Variants in PPM1B observed in about 807,000 individuals in gnomAD.
PPM1B encodes protein phosphatase 1B.
Under a neutral mutation model 43.0 loss-of-function variants are expected in PPM1B, and 22 were observed. That is an observed-to-expected ratio of 0.51 (90% CI 0.37 to 0.73). PPM1B has a LOEUF of 0.73. Among genes scored for constraint, PPM1B ranks in the 30% least tolerant of loss-of-function variants. The pLI, the probability that PPM1B is intolerant of heterozygous loss-of-function variation, is 0.00. For synonymous variants in PPM1B, 217 were observed against 197.9 expected (o/e 1.10, Z -0.81); for missense variants, 632 against 584.2 (o/e 1.08, Z -0.84).
downstream of PPM1B, chr2:44,234,673 T>C (rs1670564123): frequency 1.0e-6 from 1 of 972,694 alleles, no homozygotes; most frequent in Non-Finnish European, 1.2e-6. Context: ...TTCTCAAGTA[T>C]TTTGGTCTGA....
intron 3 of PPM1B, 72 bp downstream of exon 3, chr2:44,209,399 T>G (rs1669349062): frequency 1.3e-6 from 2 of 1,516,368 alleles, no homozygotes; most frequent in Non-Finnish European, 1.8e-6. Flanking sequence ...CTAGCACTTT[T>G]GTCGCCTGGG....
At chr2:44,218,945 A>G (rs1415780556) in intron 5 of PPM1B, 3 of 444,358 alleles carry the variant, frequency 6.8e-6, no homozygotes, top group African/African-American at 2.0e-5. Flanking sequence ...TAATAACTAG[A>G]CCTTTCAGTA....
intron 3 of PPM1B, among the ~76,000 whole-genome samples, chr2:44,215,268 G>C (rs1669668368): frequency 6.6e-6 from 1 of 152,148 alleles, no homozygotes; most frequent in Admixed American, 6.6e-5. Context: ...AGGAGTTCAA[G>C]ACCAGCCTCG....
chr2:44,178,896 C>A (rs1199634290), intron 1 of PPM1B, among the ~76,000 whole-genome samples: 1 of 152,106 alleles, frequency 6.6e-6, no homozygotes, highest in Non-Finnish European at 1.5e-5. Flanking sequence ...TTTATTTAAT[C>A]CAGTATTTCC....
chr2:44,197,391 T>C (rs1324826409), intron 1 of PPM1B, among the ~76,000 whole-genome samples: 1 of 152,200 alleles, frequency 6.6e-6, no homozygotes, highest in African/African-American at 2.4e-5. Flanking sequence ...AGTGTTGAGA[T>C]TACAGGCATG....
chr2:44,186,665 G>A (rs1668139257), intron 1 of PPM1B, among the ~76,000 whole-genome samples: 1 of 152,236 alleles, frequency 6.6e-6, no homozygotes, highest in African/African-American at 2.4e-5. Flanking sequence ...GTGAGCCATT[G>A]TGCCTGGCCT....
chr2:44,190,514 G>A (rs555401751), intron 1 of PPM1B, among the ~76,000 whole-genome samples: 5 of 151,958 alleles, frequency 3.3e-5, no homozygotes, highest in Non-Finnish European at 7.4e-5. Context: ...TTTTTTTCCT[G>A]TATCACTTTT....
chr2:44,185,585 T>G (rs917069373), intron 1 of PPM1B, among the ~76,000 whole-genome samples: 4 of 152,158 alleles, frequency 2.6e-5, no homozygotes, highest in African/African-American at 9.7e-5. Flanking sequence ...AGCTTTTGAT[T>G]TAGGACAAGA....
intron 5 of PPM1B, among the ~76,000 whole-genome samples, chr2:44,242,913 T>C (rs760740939): frequency 2.0e-5 from 3 of 152,222 alleles, no homozygotes; most frequent in African/African-American, 4.8e-5. Flanking sequence ...CATTTGCCTT[T>C]CAATACTGTA....
chr2:44,234,234 C>T, downstream of PPM1B: 2 of 981,774 alleles, frequency 2.0e-6, no homozygotes, highest in Non-Finnish European at 2.4e-6. Context: ...AAAAAACCTG[C>T]CTTTGGCCGG....
intron 1 of PPM1B, among the ~76,000 whole-genome samples, chr2:44,196,337 C>T (rs1469739850): frequency 2.0e-5 from 3 of 152,046 alleles, no homozygotes; most frequent in African/African-American, 7.2e-5. Context: ...ATTGGAGTTT[C>T]TCTAATGCTT....
At chr2:44,225,569 C>T (rs998385025) in intron 5 of PPM1B, among the ~76,000 whole-genome samples, 2 of 152,188 alleles carry the variant, frequency 1.3e-5, no homozygotes, top group Non-Finnish European at 2.9e-5. Context: ...AGCTAAAGTT[C>T]TTCTCAATTT....
At chr2:44,238,347 GT>G (rs760658317), downstream of PPM1B, among the ~76,000 whole-genome samples, 16 of 152,144 alleles carry the variant, frequency 1.1e-4, no homozygotes, top group Non-Finnish European at 2.1e-4. Context: ...TATTAAAATT[GT>G]AATTAAGACT....
chr2:44,177,787 AT>A (rs200012517), intron 1 of PPM1B, among the ~76,000 whole-genome samples: 429 of 142,610 alleles, frequency 3.0e-3, no homozygotes, highest in Middle Eastern at 4.0e-3. Context: ...CATATACAGA[AT>A]TTTTTTTTTT....
At chr2:44,172,327 G>A (rs1298578906) in intron 1 of PPM1B, among the ~76,000 whole-genome samples, 2 of 152,208 alleles carry the variant, frequency 1.3e-5, no homozygotes, top group Admixed American at 6.5e-5. Flanking sequence ...TGATGGTTAA[G>A]TGTACTGACA....
chr2:44,196,942 A>G (rs1668688497), intron 1 of PPM1B, among the ~76,000 whole-genome samples: 1 of 152,208 alleles, frequency 6.6e-6, no homozygotes, highest in African/African-American at 2.4e-5. Context: ...GATTTTCCAT[A>G]GCCAGTCTAC....
At chr2:44,196,570 TA>T (rs1464619780) in intron 1 of PPM1B, among the ~76,000 whole-genome samples, 2 of 152,212 alleles carry the variant, frequency 1.3e-5, no homozygotes, top group African/African-American at 2.4e-5. Flanking sequence ...AATCCACCCT[TA>T]TGGGGTGGGA....
At chr2:44,222,065 A>G (rs1373904844) in intron 5 of PPM1B, among the ~76,000 whole-genome samples, 2 of 152,118 alleles carry the variant, frequency 1.3e-5, no homozygotes, top group African/African-American at 2.4e-5. Context: ...CTTTTGGAAA[A>G]TTTCCAGAAA....
At chr2:44,233,936 C>T (rs1670539073), downstream of PPM1B, 4 of 985,242 alleles carry the variant, frequency 4.1e-6, no homozygotes, top group Admixed American at 6.2e-5. Context: ...AATGGTTTAT[C>T]GTTCAAACTG....
Sources: gnomAD v4.1 joint callset for allele counts (sites outside exome capture counted in the v4.1 genomes callset) on GRCh38, gnomAD v4.1.1 for gene constraint, MANE v1.5 for transcripts, NCBI Gene and HGNC (gene_info 2026-07-23, HGNC 2026-07-21) for gene names.